The following RAB3GAP1 variants were observed in gnomAD, a reference collection of about 807,000 sequenced individuals.
RAB3GAP1 encodes the protein RAB3 GTPase activating protein catalytic subunit 1.
RAB3GAP1 carries 86 observed loss-of-function variants against 130.7 expected under a neutral mutation model. The observed-to-expected ratio is 0.66, with a 90% confidence interval of 0.55 to 0.79. The LOEUF (loss-of-function observed/expected upper bound fraction) is 0.79. RAB3GAP1 is among the 30% of genes least tolerant of loss of function. The pLI, the probability that RAB3GAP1 is intolerant of heterozygous loss-of-function variation, is 0.00. For missense variants in RAB3GAP1, 1,029 were observed against 1,169.4 expected (o/e 0.88, Z 1.75); for synonymous variants, 367 against 401.7 (o/e 0.91, Z 1.03).
rs904402926 is a variant in RAB3GAP1, at chr2:135,162,654, A to G, written c.2386+3A>G. 1 of 1,612,896 alleles carries G rather than the reference A, an allele frequency of 6.2e-7. No homozygotes were observed. The highest frequency in any genetic ancestry group is 1.7e-5 in the Admixed American group (1 of 60,024). ...TGTACTCAAGGTAAAGGAAGAAGGT[A>G]AATGTCATATTTAACTAGTCATTAG... On this transcript the variant is annotated splice_donor_region_variant and intron_variant, in intron 20 of 23. Coordinates refer to ENST00000264158, the MANE Select transcript of RAB3GAP1 (RefSeq NM_012233.3).
chr2:135,166,166 CAAA>C (rs199588862), intron 23 of RAB3GAP1, among the ~76,000 whole-genome samples: 1 of 102,774 alleles, frequency 9.7e-6, no homozygotes, highest in Admixed American at 1.0e-4. Context: ...AACTCCATCT[CAAA>C]AAAAAAAAAA....
intron 11 of RAB3GAP1, 57 bp downstream of exon 11, chr2:135,126,713 C>G: frequency 7.3e-7 from 1 of 1,377,922 alleles, no homozygotes. Flanking sequence ...ACTTCCAAAT[C>G]GGAGACACTG....
chr2:135,075,997 G>A (rs1574086477), intron 3 of RAB3GAP1, among the ~76,000 whole-genome samples: 2 of 147,966 alleles, frequency 1.4e-5, no homozygotes, highest in East Asian at 2.0e-4. Context: ...TGCAGCCTTC[G>A]CCTCCTGCGT....
intron 7 of RAB3GAP1, among the ~76,000 whole-genome samples, chr2:135,117,582 G>GCTTCTTCTGCTT (rs1691035395): frequency 1.7e-5 from 1 of 60,560 alleles, no homozygotes; most frequent in African/African-American, 4.5e-5. Flanking sequence ...TTCTTCTTCT[G>GCTTCTTCTGCTT]CTTCTTCTTC....
rs1689010244 is a variant in RAB3GAP1, at chr2:135,056,336, G to A, written c.75-1675G>A. Among the ~76,000 whole-genome samples the A allele has an allele frequency of 3.3e-5, 5 of 152,128 alleles. No homozygotes were observed. The South Asian group carries it at 1.0e-3, about 32-fold the overall frequency. ...TCCTGCATCAGCCTCCTGAGTAGCT[G>A]GGATTACAGGTGCCTGCCACCGCGC... is the stretch of plus-strand genomic sequence containing the variant. On this transcript the variant is annotated intron_variant, in intron 2 of 23. Coordinates refer to ENST00000264158, the MANE Select transcript of RAB3GAP1 (RefSeq NM_012233.3).
intron 3 of RAB3GAP1, among the ~76,000 whole-genome samples, chr2:135,070,076 G>A (rs539029897): frequency 6.6e-6 from 1 of 152,322 alleles, no homozygotes; most frequent in Non-Finnish European, 1.5e-5. Flanking sequence ...TTCATACCCT[G>A]TAGTTCAACA....
At chr2:135,121,512 A>G (rs888600853) in intron 8 of RAB3GAP1, among the ~76,000 whole-genome samples, 3 of 152,226 alleles carry the variant, frequency 2.0e-5, no homozygotes, top group Admixed American at 6.5e-5. Context: ...TGAGCAACAC[A>G]TTACCTAAGT....
At chr2:135,081,353 TATATATATACACACAC>T (rs1689809465) in intron 3 of RAB3GAP1, among the ~76,000 whole-genome samples, 1 of 91,156 alleles carries the variant, frequency 1.1e-5, no homozygotes. Flanking sequence ...TATATATATA[TATATATATACACACAC>T]GTGTGTGTGT....
intron 7 of RAB3GAP1, among the ~76,000 whole-genome samples, chr2:135,118,354 C>T (rs569985543): frequency 1.1e-3 from 160 of 152,282 alleles, no homozygotes; most frequent in Admixed American, 2.7e-3. Flanking sequence ...AGAAACATCT[C>T]TCAAAATTGA....
chr2:135,085,342 G>A (rs1689943629), intron 3 of RAB3GAP1, among the ~76,000 whole-genome samples: 1 of 152,126 alleles, frequency 6.6e-6, no homozygotes, highest in Non-Finnish European at 1.5e-5. Context: ...GATTTTTACT[G>A]ATAGAGGTCA....
intron 6 of RAB3GAP1, among the ~76,000 whole-genome samples, chr2:135,114,097 C>T (rs936497227): frequency 2.0e-5 from 3 of 152,026 alleles, no homozygotes; most frequent in African/African-American, 7.3e-5. Flanking sequence ...TTTCTTTTAA[C>T]AATATATCTG....
At chr2:135,171,016 C>T (rs940050147), downstream of RAB3GAP1, among the ~76,000 whole-genome samples, 2 of 151,992 alleles carry the variant, frequency 1.3e-5, no homozygotes. Context: ...TTGCCAGGAG[C>T]CTTGAAGCCA....
intron 10 of RAB3GAP1, 105 bp from the exon 11 acceptor site, chr2:135,126,478 G>A: frequency 8.7e-7 from 1 of 1,150,110 alleles, no homozygotes; most frequent in Non-Finnish European, 1.3e-6. Flanking sequence ...GAGGCTAAAT[G>A]GATTGCTTGT....
At chr2:135,092,267 G>C (rs934300097) in intron 4 of RAB3GAP1, among the ~76,000 whole-genome samples, 24 of 152,078 alleles carry the variant, frequency 1.6e-4, no homozygotes, top group African/African-American at 5.6e-4. Context: ...CAGGTTCAAC[G>C]TTCTGCCAAT....
chr2:135,118,426 A>G (rs1691092103), intron 7 of RAB3GAP1, among the ~76,000 whole-genome samples: 1 of 152,158 alleles, frequency 6.6e-6, no homozygotes, highest in South Asian at 2.1e-4. Flanking sequence ...TTCTGCCATA[A>G]TCCTCTAAAT....
chr2:135,132,387 A>G (rs1691574336), intron 13 of RAB3GAP1, among the ~76,000 whole-genome samples: 1 of 152,204 alleles, frequency 6.6e-6, no homozygotes, highest in Non-Finnish European at 1.5e-5. Context: ...TGGTTATTAT[A>G]GGTTTAGACT....
chr2:135,137,308 C>G (rs994587047), intron 17 of RAB3GAP1: 1 of 238,584 alleles, frequency 4.2e-6, no homozygotes, highest in African/African-American at 2.3e-5. Context: ...TGAGTATGAT[C>G]GCTTAGGGTG....
chr2:135,134,082 A>T lies in RAB3GAP1; in HGVS notation c.1499+49A>T. 2.5e-6 allele frequency: 4 copies of T among 1,605,506 alleles called. No homozygotes were observed. In the South Asian group the frequency reaches 3.3e-5, roughly 13 times the overall value. On this transcript the variant is annotated intron_variant, in intron 15 of 23. Coordinates refer to ENST00000264158, the MANE Select transcript of RAB3GAP1 (RefSeq NM_012233.3). ...TTTGGATACGATTTTGTTTGTTAGC[A>T]GACATTTGACTTTTGACCTATTTTT...
chr2:135,156,986 T>C (rs1413467057), intron 19 of RAB3GAP1, among the ~76,000 whole-genome samples: 1 of 152,220 alleles, frequency 6.6e-6, no homozygotes, highest in Non-Finnish European at 1.5e-5. Flanking sequence ...GATCTAAATA[T>C]AATTTTCATT....
Sources: gnomAD v4.1 joint callset for allele counts (sites outside exome capture counted in the v4.1 genomes callset) on GRCh38, gnomAD v4.1.1 for gene constraint, MANE v1.5 for transcripts, NCBI Gene and HGNC (gene_info 2026-07-23, HGNC 2026-07-21) for gene names.